The following ACAP2 variants were observed in gnomAD, a reference collection of about 807,000 sequenced individuals.
ACAP2 encodes ArfGAP with coiled-coil, ankyrin repeat and PH domains 2, also known as arf-GAP with coiled-coil, ANK repeat and PH domain-containing protein 2.
A neutral mutation model predicts 115.8 loss-of-function variants in ACAP2; 39 were observed. The ratio of observed to expected loss-of-function variants is 0.34; its 90% CI spans 0.26 to 0.44. The LOEUF is 0.44. Among genes scored for constraint, ACAP2 ranks in the 20% least tolerant of loss-of-function variants. The pLI is 1.00. For synonymous variants in ACAP2, 289 were observed against 315.8 expected (o/e 0.92, Z 0.90); for missense variants, 662 against 927.6 (o/e 0.71, Z 3.72).
intron 21 of ACAP2, among the ~76,000 whole-genome samples, chr3:195,288,913 T>C (rs888365249): frequency 3.9e-5 from 6 of 152,182 alleles, no homozygotes; most frequent in African/African-American, 9.7e-5. Flanking sequence ...AGCATTTCCA[T>C]TGTATTAAGT....
chr3:195,382,458 TTCTC>T (rs1734012180), intron 2 of ACAP2, among the ~76,000 whole-genome samples: 1 of 152,128 alleles, frequency 6.6e-6, no homozygotes, highest in Non-Finnish European at 1.5e-5. Context: ...ATCTTTCTCT[TTCTC>T]TCTCTCCCGT....
intron 10 of ACAP2, among the ~76,000 whole-genome samples, chr3:195,319,880 A>G (rs941654291): frequency 9.9e-5 from 15 of 152,170 alleles, no homozygotes; most frequent in Non-Finnish European, 1.8e-4. Flanking sequence ...GAGAAAGGCC[A>G]GGGATGAAAT....
intron 17 of ACAP2, 84 bp downstream of exon 17, chr3:195,295,621 AACG>A: frequency 6.9e-7 from 1 of 1,443,056 alleles, no homozygotes; most frequent in Non-Finnish European, 9.5e-7. Context: ...CATTAAAAAA[AACG>A]ACAATGGCTA....
intron 10 of ACAP2, chr3:195,312,862 G>T (rs1324438578): frequency 2.0e-5 from 3 of 152,098 alleles, no homozygotes; most frequent in Non-Finnish European, 4.4e-5. Context: ...TAATCCAACT[G>T]GAATGCAAGT....
At chr3:195,326,805 A>G in intron 9 of ACAP2, 80 bp downstream of exon 9, 4 of 1,258,596 alleles carry the variant, frequency 3.2e-6, no homozygotes, top group Non-Finnish European at 1.1e-6. Flanking sequence ...ATTTGTTCCA[A>G]TACAATGATA....
intron 1 of ACAP2, among the ~76,000 whole-genome samples, chr3:195,415,083 A>G (rs1245112789): frequency 6.6e-6 from 1 of 152,154 alleles, no homozygotes; most frequent in African/African-American, 2.4e-5. Context: ...TCTAAACATC[A>G]AGAATGAACG....
At chr3:195,366,686 C>T (rs1376212947) in intron 4 of ACAP2, among the ~76,000 whole-genome samples, 1 of 152,188 alleles carries the variant, frequency 6.6e-6, no homozygotes, top group Non-Finnish European at 1.5e-5. Context: ...ATGCCTGCTT[C>T]TTATTCGCAA....
intron 1 of ACAP2, among the ~76,000 whole-genome samples, chr3:195,429,077 C>G (rs1714908179): frequency 6.6e-6 from 1 of 152,120 alleles, no homozygotes; most frequent in Admixed American, 6.5e-5. Context: ...AGAAATACTA[C>G]ACAGCAGTAA....
chr3:195,343,667 C>A (rs895218106), intron 5 of ACAP2, among the ~76,000 whole-genome samples: 1 of 152,212 alleles, frequency 6.6e-6, no homozygotes, highest in Non-Finnish European at 1.5e-5. Flanking sequence ...AGAATCGTTA[C>A]ATCAGCAATG....
intron 2 of ACAP2, among the ~76,000 whole-genome samples, chr3:195,389,970 C>A (rs62288364): frequency 0.24 from 36,490 of 152,036 alleles, 5,111 homozygotes; most frequent in East Asian, 0.71. Context: ...CCGAGGCGGG[C>A]GGATTGCCTG....
chr3:195,431,101 T>C (rs1419695836), intron 1 of ACAP2, among the ~76,000 whole-genome samples: 1 of 152,198 alleles, frequency 6.6e-6, no homozygotes. Context: ...CTCTACAAAT[T>C]TGCCTATTCT....
At chr3:195,378,127 G>T (rs1733689999) in intron 4 of ACAP2, among the ~76,000 whole-genome samples, 1 of 140,434 alleles carries the variant, frequency 7.1e-6, no homozygotes, top group African/African-American at 3.0e-5. Context: ...GAGAAAGAAA[G>T]TGAGAAAAGT....
intron 4 of ACAP2, among the ~76,000 whole-genome samples, chr3:195,348,688 A>G (rs1731341705): frequency 6.6e-6 from 1 of 152,242 alleles, no homozygotes; most frequent in Non-Finnish European, 1.5e-5. Flanking sequence ...AAAAATCAAC[A>G]TAATTCACCA....
rs535916982 is a variant in ACAP2 at position 195,433,283 on chromosome 3, T to C, written c.53+9512A>G. 3.3e-5 allele frequency among the ~76,000 whole-genome samples: 5 copies of C among 152,316 alleles called. No homozygotes were observed. The East Asian group carries it at 9.6e-4, about 29-fold the overall frequency. On this transcript the variant is annotated intron_variant, in intron 1 of 22. Transcript: ENST00000326793. ...AGTTGTTATACTATTTATTTGTACT[T>C]TGTTATCGTTATTTTTTATTGTTTT...
chr3:195,421,877 T>C (rs1035063445), intron 1 of ACAP2, among the ~76,000 whole-genome samples: 3 of 152,222 alleles, frequency 2.0e-5, no homozygotes, highest in African/African-American at 7.2e-5. Flanking sequence ...CAGAAATATA[T>C]AGTAAGTTAT....
In ACAP2 at chr3:195,275,677, A is replaced by T. The variant is rs957362702; in HGVS notation, c.*3651T>A. 6.6e-6 allele frequency: 1 copy of T among 152,226 alleles called. No homozygotes were observed. Among genetic ancestry groups the T allele is most frequent in the African/African-American group, 2.4e-5 (1 of 41,458 alleles). 9.4% of individuals were successfully genotyped at this position (152,226 alleles called of 1,614,324 possible). A position where few individuals can be genotyped will look rare whatever the true frequency, so the allele number is the denominator to read the frequency against. Reference sequence around the variant, plus strand: ...AATTCTGCCACCAGCTAGCAAATCAAGTGACCCTGCTCTGTAAAACAAAAG... The same window carrying T: ...AATTCTGCCACCAGCTAGCAAATCATGTGACCCTGCTCTGTAAAACAAAAG... On this transcript the variant is annotated 3_prime_UTR_variant, in exon 23 of 23. Transcript: ENST00000326793.
chr3:195,301,735 A>C, intron 14 of ACAP2, 91 bp from the exon 15 acceptor site: 1 of 1,283,682 alleles, frequency 7.8e-7, no homozygotes, highest in Non-Finnish European at 1.1e-6. Flanking sequence ...GCTCTAATAA[A>C]GCCCTCGGCA....
intron 13 of ACAP2, among the ~76,000 whole-genome samples, chr3:195,304,280 A>G (rs548921532): frequency 6.6e-6 from 1 of 152,186 alleles, no homozygotes; most frequent in South Asian, 2.1e-4. Context: ...GGGAATTAGC[A>G]ATTATGTAAG....
intron 4 of ACAP2, among the ~76,000 whole-genome samples, chr3:195,360,161 T>C (rs922539872): frequency 6.7e-6 from 1 of 150,278 alleles, no homozygotes; most frequent in Non-Finnish European, 1.5e-5. Flanking sequence ...AGACAAAAAC[T>C]GAAAATAAAG....
Sources: allele counts gnomAD v4.1 joint callset (sites outside exome capture counted in the v4.1 genomes callset), GRCh38; gene constraint gnomAD v4.1.1; transcripts MANE v1.5; gene names NCBI Gene and HGNC (gene_info 2026-07-23, HGNC 2026-07-21).